SYNE1: variants seen among roughly 807,000 people sequenced by gnomAD.
The protein encoded by SYNE1 is nesprin-1.
SYNE1 carries 616 observed loss-of-function variants against 1,111.0 expected under a neutral mutation model. That is an observed-to-expected ratio of 0.55 (90% CI 0.52 to 0.59). The LOEUF is 0.59. SYNE1 is among the 20% of genes least tolerant of loss of function. The pLI is 0.00. For synonymous variants in SYNE1, 3,855 were observed against 3,825.8 expected, an observed-to-expected ratio of 1.01 and a Z score of -0.28; for missense variants, 10,006 against 10,417.0, an observed-to-expected ratio of 0.96 and a Z score of 1.72.
chr6:152,382,254 G>T (rs1349244627), intron 55 of SYNE1, among the ~76,000 whole-genome samples: 1 of 151,982 alleles, frequency 6.6e-6, no homozygotes, highest in Non-Finnish European at 1.5e-5. Flanking sequence ...ACAAAATTAT[G>T]ACTTTACTAC....
In SYNE1 at chr6:152,333,948, A is replaced by G. The variant is rs1449042264; in HGVS notation, c.12794+60T>C. The G allele has an allele frequency of 1.6e-5, 25 of 1,610,142 alleles. No homozygotes were observed. The East Asian group carries it at 4.9e-4, about 32-fold the overall frequency. On this transcript the variant is annotated intron_variant, in intron 77 of 145. Transcript: ENST00000367255. ...GCACCTGGGCACATTTTAAATTTTT[A>G]TAGATATTAAGAAATGTCTGGCTTA...
Position 152,135,166 on chromosome 6 carries a change from T to C in SYNE1, c.25726A>G (p.Ile8576Val). 3.1e-6 allele frequency: 5 copies of C among 1,614,148 alleles called. No homozygotes were observed. The highest frequency in any genetic ancestry group is 4.2e-6 in the Non-Finnish European group (5 of 1,180,018). The stretch of plus-strand genomic sequence containing the variant: ...TCAAGGTTAGAATCAATAGGGACAA[T>C]TTCATTTTTCCTTCTGTCAATGTTC... ...LENIDRRKNE[I>V]VPIDSNLDAE... Residue 8576 changes from isoleucine to valine, a missense_variant, in exon 142 of 146, where the codon ATT (isoleucine) becomes GTT (valine). By Grantham distance (29) the Ile-to-Val change is conservative. This residue lies in a region of SYNE1 where 761 missense variants were observed against 795.5 expected (regional missense o/e 0.96). Transcript: ENST00000367255.
Position 152,368,018 on chromosome 6 carries a change from T to G in SYNE1, c.9808-636A>C, listed in dbSNP as rs2097110918. Reference sequence around the variant, plus strand: ...CTTAACTTAGGTATGTGCCAGATTTTATAAAAACATCCAAAATAACAATCA... The same window carrying G: ...CTTAACTTAGGTATGTGCCAGATTTGATAAAAACATCCAAAATAACAATCA... On this transcript the variant is annotated intron_variant, in intron 61 of 145. Transcript: ENST00000367255. 1.9e-5 allele frequency: 3 copies of G among 154,496 alleles called. No individual in the cohort carries two copies. The South Asian group carries it at 6.0e-4, about 31-fold the overall frequency. 9.6% of individuals were successfully genotyped at this position (154,496 alleles called of 1,614,324 possible).
chr6:152,357,776 T>C (rs984500636), intron 66 of SYNE1, among the ~76,000 whole-genome samples: 1 of 152,236 alleles, frequency 6.6e-6, no homozygotes. Context: ...CTGTATTAAG[T>C]ATCCAGTAAA....
rs767013405 is a variant in SYNE1, at chr6:152,453,655, G to A, written c.2958C>T (p.Thr986=). ...GCTGCTCCTGCTCTGGAAGGATGTC[G>A]GTGAGTTCATCACAAGCTTTCAGGA... is the stretch of plus-strand genomic sequence containing the variant. The part of the protein sequence containing the change: ...NAFLKACDEL[T]DILPEQEQQG... The change falls in exon 25 of 146, where the codon ACC becomes ACT. Residue 986 remains threonine (T), a synonymous_variant. Coordinates refer to ENST00000367255, the MANE Select transcript of SYNE1 (RefSeq NM_182961.4). 47 of 1,614,048 alleles carry A rather than the reference G, an allele frequency of 2.9e-5. 1 individual carries two copies. The highest frequency in any genetic ancestry group is 1.3e-4 in the East Asian group (6 of 44,886).
At chr6:152,610,241 A>G (rs1280093181) in intron 3 of SYNE1, among the ~76,000 whole-genome samples, 1 of 152,130 alleles carries the variant, frequency 6.6e-6, no homozygotes, top group Non-Finnish European at 1.5e-5. Context: ...GAAGCTAAAA[A>G]CCTTGAAAAA....
intron 49 of SYNE1, among the ~76,000 whole-genome samples, chr6:152,398,268 C>T (rs2097765476): frequency 6.6e-6 from 1 of 152,042 alleles, no homozygotes; most frequent in Non-Finnish European, 1.5e-5. Context: ...AAACACAAAC[C>T]ATGTCTTCTT....
chr6:152,270,598 T>C (rs935424638), intron 98 of SYNE1, among the ~76,000 whole-genome samples: 1 of 152,242 alleles, frequency 6.6e-6, no homozygotes, highest in Non-Finnish European at 1.5e-5. Flanking sequence ...TCTACTCACA[T>C]AGATTCATCT....
In SYNE1 at chr6:152,461,654, T is replaced by C. The variant is rs1250884395; in HGVS notation, c.2337A>G (p.Gln779=). Residue 779 remains glutamine, a synonymous_variant, in exon 21 of 146, where the codon CAA becomes CAG. Transcript: ENST00000367255. ...TAHLITKESP[Q]EEGKEMFATM... ...TCGCAAACATTTCTTTTCCTTCTTC[T>C]TGGGGGCTTTCTTTGGTAATGAGGT... The C allele has an allele frequency of 1.2e-6, 2 of 1,614,064 alleles. No individual in the cohort carries two copies. The highest frequency in any genetic ancestry group is 1.7e-6 in the Non-Finnish European group (2 of 1,179,958).
At position 152,155,918 on chromosome 6, in the gene SYNE1, C is replaced by T. The variant is rs2061300884; in HGVS notation, c.23970G>A (p.Arg7990=). The change falls in exon 132 of 146, where the codon AGG becomes AGA. Residue 7990 remains arginine, a synonymous_variant. Coordinates refer to ENST00000367255, the MANE Select transcript of SYNE1 (RefSeq NM_182961.4). Reference sequence around the variant, plus strand: ...TCAGCATCCCAGCTCACTTCAGCCTCCTTTCCATGGACATAGCACAAATGT... The same window carrying T: ...TCAGCATCCCAGCTCACTTCAGCCTTCTTTCCATGGACATAGCACAAATGT... ...WRNICAMSME[R]RLKIEETWRL... is the part of the protein sequence containing the mutation. 6.2e-7 allele frequency: 1 copy of T among 1,614,090 alleles called. No homozygotes were observed. The highest frequency in any genetic ancestry group is 1.3e-5 in the African/African-American group (1 of 75,040).
intron 133 of SYNE1, among the ~76,000 whole-genome samples, chr6:152,154,422 CTA>C (rs1379730001): frequency 6.7e-6 from 1 of 149,252 alleles, no homozygotes; most frequent in African/African-American, 2.5e-5. Flanking sequence ...TTATTCCATT[CTA>C]GAGTCAACTC....
intron 63 of SYNE1, 54 bp downstream of exon 63, chr6:152,364,793 T>G: frequency 6.2e-7 from 1 of 1,610,674 alleles, no homozygotes; most frequent in Admixed American, 1.7e-5. Context: ...TCAGTAGTAT[T>G]ATATTGATCT....
At chr6:152,242,138 C>T in intron 107 of SYNE1, 102 bp downstream of exon 107, 1 of 1,160,026 alleles carries the variant, frequency 8.6e-7, no homozygotes, top group Non-Finnish European at 1.3e-6. Flanking sequence ...AGTAAGAACT[C>T]ATAAAAGACT....
At chr6:152,565,358 C>A (rs1190863298) in intron 3 of SYNE1, among the ~76,000 whole-genome samples, 1 of 152,124 alleles carries the variant, frequency 6.6e-6, no homozygotes, top group Non-Finnish European at 1.5e-5. Context: ...AAGCTGGGCC[C>A]ACAACCTAGT....
chr6:152,133,397 T>C lies in SYNE1; in HGVS notation c.25880A>G (p.Asp8627Gly). 1.2e-6 allele frequency: 2 copies of C among 1,614,178 alleles called. No homozygotes were observed. The highest frequency in any genetic ancestry group is 1.7e-6 in the Non-Finnish European group (2 of 1,180,044). Residue 8627 changes from aspartate (D) to glycine (G), a missense_variant, in exon 143 of 146, where the codon GAC (aspartate) becomes GGC (glycine). Transcript: ENST00000367255. The part of the protein sequence containing the change: ...CQLLVNAEGT[D>G]CLEAKEKVHV... ...GACTTTTTCTTTGGCTTCTAAACAG[T>C]CTGTTCCTTCAGCATTCACCAGTAG...
intron 118 of SYNE1, 63 bp from the exon 119 acceptor site, chr6:152,221,109 T>C: frequency 6.6e-7 from 1 of 1,511,692 alleles, no homozygotes; most frequent in Non-Finnish European, 9.2e-7. Context: ...GGATATGTGC[T>C]ATTTTATTTT....
At chr6:152,273,296 G>A (rs2093347507) in intron 98 of SYNE1, among the ~76,000 whole-genome samples, 1 of 152,218 alleles carries the variant, frequency 6.6e-6, no homozygotes, top group Admixed American at 6.5e-5. Context: ...CATAGCAGAA[G>A]CTTCTTCGTC....
chr6:152,369,700 A>T (rs2097144314), intron 59 of SYNE1, 86 bp from the exon 60 acceptor site: 1 of 1,532,402 alleles, frequency 6.5e-7, no homozygotes, highest in East Asian at 2.3e-5. Flanking sequence ...AAGTCCACCC[A>T]GGCTGGGCAC....
intron 8 of SYNE1, among the ~76,000 whole-genome samples, chr6:152,507,805 G>C (rs1267073974): frequency 6.6e-6 from 1 of 152,082 alleles, no homozygotes; most frequent in Non-Finnish European, 1.5e-5. Flanking sequence ...ATAACTTAAA[G>C]CTTTTATTTC....
Sources: allele counts gnomAD v4.1 joint callset (sites outside exome capture counted in the v4.1 genomes callset), GRCh38; gene constraint gnomAD v4.1.1; regional missense constraint gnomAD v4.1.1; transcripts MANE v1.5; gene names NCBI Gene and HGNC (gene_info 2026-07-23, HGNC 2026-07-21).